RPL19: variants seen among roughly 807,000 people sequenced by gnomAD.
The protein encoded by RPL19 is ribosomal protein L19.
RPL19 carries 2 observed loss-of-function variants against 25.1 expected under a neutral mutation model. The ratio of observed to expected loss-of-function variants is 0.08; its 90% confidence interval spans 0.03 to 0.25. The LOEUF is 0.25. RPL19 is among the 10% of genes least tolerant of loss of function. The pLI, the probability that RPL19 is intolerant of heterozygous loss-of-function variation, is 1.00. For missense variants in RPL19, 123 were observed against 271.8 expected (o/e 0.45, Z 3.85); for synonymous variants, 89 against 91.2 (o/e 0.98, Z 0.14).
chr17:39,200,361 C>A lies in RPL19; in HGVS notation c.5+12C>A. 1 of 1,565,768 alleles carries A rather than the reference C, an allele frequency of 6.4e-7. No individual in the cohort carries two copies. Among genetic ancestry groups the A allele is most frequent in the Non-Finnish European group, 8.6e-7 (1 of 1,158,008 alleles). On this transcript the variant is annotated intron_variant, in intron 1 of 5. Transcript: ENST00000225430. ...GCCGCAGCCATGAGGTGAGGGCGAG[C>A]TGGTCTCCATCAGGCGCTGACGCGT...
intron 4 of RPL19, among the ~76,000 whole-genome samples, chr17:39,203,614 T>A (rs558265611): frequency 1.1e-4 from 16 of 152,044 alleles, no homozygotes; most frequent in African/African-American, 3.4e-4. Flanking sequence ...GTTCAAGCAC[T>A]TCACCTGCCT....
In RPL19 at chr17:39,201,237, C is replaced by A. The variant is rs1214111315; in HGVS notation, c.30C>A (p.Leu10=). MSMLRLQKR[L]ASSVLRCGKK... is the part of the protein sequence containing the mutation. ...GTATGCTCAGGCTTCAGAAGAGGCTCGCCTCTAGTGTCCTCCGCTGTGGCA... is the reference window on the plus strand; with the variant it reads ...GTATGCTCAGGCTTCAGAAGAGGCTAGCCTCTAGTGTCCTCCGCTGTGGCA... The change falls in exon 2 of 6, where the codon CTC becomes CTA. Residue 10 remains leucine, a synonymous_variant. Transcript: ENST00000225430. 1.2e-6 allele frequency: 2 copies of A among 1,611,784 alleles called. No homozygotes were observed. Among genetic ancestry groups the A allele is most frequent in the Non-Finnish European group, 1.7e-6 (2 of 1,178,828 alleles).
intron 3 of RPL19, 125 bp from the exon 4 acceptor site, chr17:39,202,864 C>A: frequency 9.6e-7 from 1 of 1,040,022 alleles, no homozygotes; most frequent in Non-Finnish European, 1.4e-6. Context: ...GGAAGTAATG[C>A]TACTTAAAAT....
intron 3 of RPL19, 87 bp from the exon 4 acceptor site, chr17:39,202,902 G>T (rs953216490): frequency 5.5e-6 from 8 of 1,463,074 alleles, no homozygotes; most frequent in Middle Eastern, 3.9e-4. Context: ...ATGAGTTAAG[G>T]ACCCTGACTT....
intron 4 of RPL19, among the ~76,000 whole-genome samples, chr17:39,203,762 C>T (rs2046306420): frequency 6.6e-6 from 1 of 152,108 alleles, no homozygotes; most frequent in Non-Finnish European, 1.5e-5. Context: ...CCGCCTCAGC[C>T]TCTCAAAGTG....
chr17:39,202,719 T>C, intron 3 of RPL19: 1 of 590,330 alleles, frequency 1.7e-6, no homozygotes. Flanking sequence ...TACAACGTGC[T>C]GTGTTGCCTT....
intron 1 of RPL19, 107 bp from the exon 2 acceptor site, chr17:39,201,106 T>G (rs2046284328): frequency 6.6e-6 from 5 of 758,826 alleles, no homozygotes; most frequent in Non-Finnish European, 1.1e-5. Flanking sequence ...GGGAAGAGTC[T>G]TATTTCGCGG....
chr17:39,204,727 C>A lies in RPL19; in HGVS notation c.*79C>A. 7.1e-7 allele frequency: 1 copy of A among 1,414,890 alleles called. No homozygotes were observed. The highest frequency in any genetic ancestry group is 9.8e-7 in the Non-Finnish European group (1 of 1,025,088). The allele number at this position is 1,414,890 out of a possible 1,614,324, so 87.6% of individuals were successfully genotyped here. ...TTAAAATAAAACAAGCCTTAATCTGCCTTCCTCTCTGCTTCTTGCAAGGTT... is the reference window on the plus strand; with the variant it reads ...TTAAAATAAAACAAGCCTTAATCTGACTTCCTCTCTGCTTCTTGCAAGGTT... On this transcript the variant is annotated 3_prime_UTR_variant, in exon 6 of 6. Transcript: ENST00000225430.
chr17:39,200,481 A>G, intron 1 of RPL19, 132 bp downstream of exon 1: 11 of 1,298,628 alleles, frequency 8.5e-6, no homozygotes, highest in Non-Finnish European at 1.1e-5. Context: ...GGTTTGGGGT[A>G]GGCCGGAGCA....
At chr17:39,201,145 T>G in intron 1 of RPL19, 68 bp from the exon 2 acceptor site, 1 of 1,043,524 alleles carries the variant, frequency 9.6e-7, no homozygotes, top group Non-Finnish European at 1.5e-6. Flanking sequence ...AGGGCAGGTC[T>G]TGATGGGGAC....
Position 39,200,340 on chromosome 17 carries a change from C to T in RPL19, c.-5C>T, listed in dbSNP as rs757545444. ...CTCTTTCCTTTCGCTGCTGCGGCCG[C>T]AGCCATGAGGTGAGGGCGAGCTGGT... On this transcript the variant is annotated 5_prime_UTR_variant, in exon 1 of 6. Transcript: ENST00000225430. The T allele has an allele frequency of 2.0e-5, 31 of 1,562,246 alleles. No individual in the cohort carries two copies. Among genetic ancestry groups the T allele is most frequent in the Middle Eastern group, 2.2e-4 (1 of 4,556 alleles).
chr17:39,203,145 T>C (rs1325657722), intron 4 of RPL19, 36 bp downstream of exon 4: 2 of 1,579,516 alleles, frequency 1.3e-6, no homozygotes, highest in Admixed American at 1.7e-5. Flanking sequence ...ACCCATTTGC[T>C]GCTTTGATGG....
intron 2 of RPL19, 28 bp downstream of exon 2, chr17:39,201,347 C>G (rs745676386): frequency 7.8e-7 from 1 of 1,290,174 alleles, no homozygotes; most frequent in South Asian, 1.2e-5. Context: ...GTCTCTTCAC[C>G]CTACTTCCTT....
At chr17:39,202,519 G>A in intron 3 of RPL19, 80 bp downstream of exon 3, 1 of 1,534,678 alleles carries the variant, frequency 6.5e-7, no homozygotes. Context: ...TAAGCACTCT[G>A]TCTCATCTTG....
intron 3 of RPL19, 165 bp from the exon 4 acceptor site, chr17:39,202,823 CT>C: frequency 1.4e-6 from 1 of 731,626 alleles, no homozygotes; most frequent in East Asian, 2.7e-5. Context: ...AACGAAAGAA[CT>C]TACGTAGTTG....
chr17:39,200,367 T>A lies in RPL19; in HGVS notation c.5+18T>A, dbSNP rs1295772050. The A allele has an allele frequency of 1.9e-6, 3 of 1,563,398 alleles. No individual in the cohort carries two copies. Among genetic ancestry groups the A allele is most frequent in the Admixed American group, 2.0e-5 (1 of 51,242 alleles). ...GCCATGAGGTGAGGGCGAGCTGGTC[T>A]CCATCAGGCGCTGACGCGTGTCGAC... On this transcript the variant is annotated intron_variant, in intron 1 of 5. Transcript: ENST00000225430.
rs1162453131 is a variant in RPL19, at chr17:39,200,306, C to CCGAG, written c.-33_-30dup. 6.5e-7 allele frequency: 1 copy of CCGAG among 1,528,276 alleles called. No homozygotes were observed. The highest frequency in any genetic ancestry group is 1.4e-5 in the African/African-American group (1 of 72,270). 94.7% of individuals were successfully genotyped at this position (1,528,276 alleles called of 1,614,324 possible). On this transcript the variant is annotated 5_prime_UTR_variant, in exon 1 of 6. Coordinates refer to ENST00000225430, the MANE Select transcript of RPL19 (RefSeq NM_000981.4). The stretch of plus-strand genomic sequence containing the variant: ...TCGCAGATAATGGGAGGAGCCGGGC[C>CCGAG]CGAGCGAGCTCTTTCCTTTCGCTGC...
intron 1 of RPL19, 102 bp downstream of exon 1, chr17:39,200,451 C>A (rs1259501609): frequency 2.2e-6 from 3 of 1,344,430 alleles, no homozygotes; most frequent in Non-Finnish European, 2.9e-6. Flanking sequence ...TGGAGGCCGC[C>A]CTAAAGCGGC....
At chr17:39,200,980 C>T (rs1486890126) in intron 1 of RPL19, among the ~76,000 whole-genome samples, 1 of 152,128 alleles carries the variant, frequency 6.6e-6, no homozygotes, top group Non-Finnish European at 1.5e-5. Context: ...CTTGGCTTGA[C>T]TTTCCAGAGG....
Sources: allele counts gnomAD v4.1 joint callset (sites outside exome capture counted in the v4.1 genomes callset), GRCh38; gene constraint gnomAD v4.1.1; transcripts MANE v1.5; gene names NCBI Gene and HGNC (gene_info 2026-07-23, HGNC 2026-07-21).